WDPCP: variants seen among roughly 807,000 people sequenced by gnomAD.
WDPCP encodes the protein WD repeat containing planar cell polarity effector.
A neutral mutation model predicts 93.1 loss-of-function variants in WDPCP; 71 were observed. That is an observed-to-expected ratio of 0.76 (90% CI 0.63 to 0.93). WDPCP has a LOEUF of 0.93. Ranked by LOEUF, WDPCP falls within the 40% of genes least tolerant of loss-of-function variation. The pLI, the probability that WDPCP is intolerant of heterozygous loss-of-function variation, is 0.00. For missense variants in WDPCP, 844 were observed against 887.4 expected, an observed-to-expected ratio of 0.95 and a Z score of 0.62; for synonymous variants, 315 against 315.0, an observed-to-expected ratio of 1.00 and a Z score of 0.00.
chr2:63,419,426 C>T (rs2105338107), intron 9 of WDPCP, among the ~76,000 whole-genome samples: 1 of 152,324 alleles, frequency 6.6e-6, no homozygotes, highest in African/African-American at 2.4e-5. Context: ...AGGTGTGAGC[C>T]ACTGCGCCCG....
intron 12 of WDPCP, among the ~76,000 whole-genome samples, chr2:63,372,449 G>A (rs1691475777): frequency 6.6e-6 from 1 of 152,020 alleles, no homozygotes; most frequent in Non-Finnish European, 1.5e-5. Flanking sequence ...GTAATTAATT[G>A]TGGAGTAAAT....
rs551829315 is a variant in WDPCP at position 63,522,301 on chromosome 2, C to T, written c.76-29361G>A. Among the ~76,000 whole-genome samples the T allele has an allele frequency of 1.7e-4, 26 of 151,864 alleles. No homozygotes were observed. In the South Asian group the frequency reaches 5.2e-3, roughly 30 times the overall value. On this transcript the variant is annotated intron_variant, in intron 1 of 17. Transcript: ENST00000272321. The stretch of plus-strand genomic sequence containing the variant: ...GGAAGTTTATAAGACTAAACACCCA[C>T]ATCAAAAAGTTAAAAAGATCTCAAA...
intron 9 of WDPCP, among the ~76,000 whole-genome samples, chr2:63,415,460 A>G (rs1558601693): frequency 6.6e-6 from 1 of 152,194 alleles, no homozygotes; most frequent in East Asian, 1.9e-4. Flanking sequence ...ATACTGTTTG[A>G]CTTTTCATGC....
At chr2:63,753,290 A>G (rs548800767) in intron 2 of WDPCP, among the ~76,000 whole-genome samples, 1 of 152,100 alleles carries the variant, frequency 6.6e-6, no homozygotes, top group Non-Finnish European at 1.5e-5. Context: ...TTAGCCGTGC[A>G]TGATGGTAGG....
At chr2:63,547,175 G>A (rs756145392) in intron 1 of WDPCP, among the ~76,000 whole-genome samples, 5 of 151,788 alleles carry the variant, frequency 3.3e-5, no homozygotes, top group Admixed American at 6.6e-5. Context: ...AATCATCAAC[G>A]AAATGTAAAT....
At position 63,174,738 on chromosome 2, in the gene WDPCP, G is replaced by T. The variant is rs1242470451; in HGVS notation, c.2010C>A (p.Asn670Lys). 1.9e-6 allele frequency: 3 copies of T among 1,613,834 alleles called. No homozygotes were observed. The highest frequency in any genetic ancestry group is 3.3e-5 in the Admixed American group (2 of 59,980). The change falls in exon 15 of 18, where the codon AAC becomes AAA. Residue 670 changes from asparagine (N) to lysine (K), a missense_variant. Coordinates refer to ENST00000272321, the MANE Select transcript of WDPCP (RefSeq NM_015910.7). ...APQGEDSFPD[N>K]LPPSCPTHRH... The stretch of plus-strand genomic sequence containing the variant: ...TGTGGGTTGGGCAAGAGGGAGGGAG[G>T]TTATCTGGAAATGAGTCTTCTCCTT...
At chr2:63,226,095 A>G (rs1179859205) in intron 14 of WDPCP, among the ~76,000 whole-genome samples, 1 of 151,924 alleles carries the variant, frequency 6.6e-6, no homozygotes, top group African/African-American at 2.4e-5. Flanking sequence ...CCCATACTCT[A>G]TGTTGAAATC....
chr2:63,783,590 C>G (rs1279663627), intron 2 of WDPCP, among the ~76,000 whole-genome samples: 1 of 151,842 alleles, frequency 6.6e-6, no homozygotes, highest in Non-Finnish European at 1.5e-5. Flanking sequence ...ACTATTCAGC[C>G]ATAAAAAAGA....
intron 14 of WDPCP, among the ~76,000 whole-genome samples, chr2:63,225,249 A>C (rs1678188987): frequency 1.3e-5 from 2 of 151,930 alleles, no homozygotes; most frequent in South Asian, 4.1e-4. Context: ...CAGAAGGCAA[A>C]AGTCTTGAAA....
intron 17 of WDPCP, among the ~76,000 whole-genome samples, chr2:63,126,664 G>C (rs982028216): frequency 8.4e-6 from 1 of 118,370 alleles, no homozygotes; most frequent in Non-Finnish European, 1.8e-5. Flanking sequence ...AACTTGTTTT[G>C]TGTTTTTTTT....
intron 13 of WDPCP, among the ~76,000 whole-genome samples, chr2:63,260,621 C>G (rs1253607280): frequency 6.6e-6 from 1 of 152,202 alleles, no homozygotes; most frequent in Non-Finnish European, 1.5e-5. Flanking sequence ...ATGATCTCAG[C>G]TCACTGAAAC....
chr2:63,577,356 A>G (rs1344580718), intron 1 of WDPCP, among the ~76,000 whole-genome samples: 7 of 152,222 alleles, frequency 4.6e-5, no homozygotes, highest in African/African-American at 1.7e-4. Flanking sequence ...TGTACCTTAA[A>G]TTAAAGATAT....
rs148231464 is a variant in WDPCP, at chr2:63,732,343, G to A, written n.308+81279C>T. On this transcript the variant is annotated intron_variant and non_coding_transcript_variant, in intron 2 of 4. Coordinates refer to the WDPCP transcript ENST00000467687. ...CAAGATGGAAGAAAATGCAACTGCT[G>A]GAGACTAAGCTTCAAATTCCACCCT... 4.4e-4 allele frequency among the ~76,000 whole-genome samples: 67 copies of A among 152,314 alleles called. 1 individual carries two copies. In the East Asian group the frequency reaches 0.011, roughly 26 times the overall value.
intron 1 of WDPCP, among the ~76,000 whole-genome samples, chr2:63,522,451 GACAGACAC>G (rs1460204748): frequency 6.5e-5 from 6 of 92,076 alleles, no homozygotes; most frequent in East Asian, 8.1e-4. Context: ...CAGACAGACA[GACAGACAC>G]ACACACACAC....
chr2:63,630,797 T>A (rs1379742676), intron 3 of WDPCP, among the ~76,000 whole-genome samples: 1 of 152,228 alleles, frequency 6.6e-6, no homozygotes, highest in Non-Finnish European at 1.5e-5. Context: ...AAAGTATGCA[T>A]TCTTTTCAAG....
intron 1 of WDPCP, among the ~76,000 whole-genome samples, chr2:63,529,868 A>G (rs1703687042): frequency 1.3e-5 from 2 of 152,094 alleles, no homozygotes; most frequent in Non-Finnish European, 1.5e-5. Context: ...TTATTGCCTC[A>G]ATTTCAGACC....
At chr2:63,450,455 C>T (rs368182256) in intron 6 of WDPCP, among the ~76,000 whole-genome samples, 23 of 152,222 alleles carry the variant, frequency 1.5e-4, no homozygotes, top group South Asian at 8.3e-4. Context: ...GCCAGCTGCC[C>T]GGGGACTCAT....
intron 15 of WDPCP, chr2:63,168,602 G>A (rs1367155839): frequency 6.6e-6 from 1 of 152,010 alleles, no homozygotes; most frequent in East Asian, 1.9e-4. Context: ...TTCTCTCTGA[G>A]GTATGTGTTT....
intron 2 of WDPCP, among the ~76,000 whole-genome samples, chr2:63,734,643 A>G (rs1669612862): frequency 1.3e-5 from 2 of 152,266 alleles, no homozygotes; most frequent in Admixed American, 1.3e-4. Context: ...CAGCTTTAAC[A>G]AACATTTGAA....
Sources: gnomAD v4.1 joint callset for allele counts (sites outside exome capture counted in the v4.1 genomes callset) on GRCh38, gnomAD v4.1.1 for gene constraint, MANE v1.5 for transcripts, NCBI Gene and HGNC (gene_info 2026-07-23, HGNC 2026-07-21) for gene names.